The following SMU1 variants were observed in gnomAD, a reference collection of about 807,000 sequenced individuals.
The protein encoded by SMU1 is SMU1 DNA replication regulator and spliceosomal factor.
SMU1 carries 2 observed loss-of-function variants against 62.0 expected under a neutral mutation model. The ratio of observed to expected loss-of-function variants is 0.03; its 90% CI spans 0.01 to 0.10. The LOEUF is 0.10. Among genes scored for constraint, SMU1 ranks in the 10% least tolerant of loss-of-function variants. SMU1 has a pLI of 1.00. For synonymous variants in SMU1, 188 were observed against 212.4 expected (o/e 0.89, Z 1.00); for missense variants, 227 against 622.1 (o/e 0.36, Z 6.76).
In SMU1 at chr9:33,053,113, G is replaced by C. The variant is rs764854820; in HGVS notation, c.1290+10C>G. On this transcript the variant is annotated intron_variant, in intron 10 of 11. Coordinates refer to ENST00000397149, the MANE Select transcript of SMU1 (RefSeq NM_018225.3). Reference sequence around the variant, plus strand: ...CAGTTCCTGTGCAAGGGTACGTTCTGAACACTCACCTGCCCCTGCATGTTC... The same window carrying C: ...CAGTTCCTGTGCAAGGGTACGTTCTCAACACTCACCTGCCCCTGCATGTTC... 2 of 1,611,800 alleles carry C rather than the reference G, an allele frequency of 1.2e-6. No homozygotes were observed. The highest frequency in any genetic ancestry group is 8.5e-7 in the Non-Finnish European group (1 of 1,179,688).
chr9:33,048,578 A>G (rs1479617522), intron 10 of SMU1, among the ~76,000 whole-genome samples: 1 of 152,226 alleles, frequency 6.6e-6, no homozygotes, highest in East Asian at 1.9e-4. Context: ...TCAATATACC[A>G]GTATTTCTCA....
At chr9:33,053,955 T>C (rs1340727897) in intron 9 of SMU1, among the ~76,000 whole-genome samples, 1 of 152,216 alleles carries the variant, frequency 6.6e-6, no homozygotes, top group Non-Finnish European at 1.5e-5. Flanking sequence ...GCTACTGTCA[T>C]AAACAACCAG....
At chr9:33,067,378 G>A (rs1428903209) in intron 4 of SMU1, among the ~76,000 whole-genome samples, 2 of 149,630 alleles carry the variant, frequency 1.3e-5, no homozygotes, top group Admixed American at 6.7e-5. Flanking sequence ...AGTCAGGAAA[G>A]TTAAGAATCA....
chr9:33,064,401 A>G (rs1245726307), intron 4 of SMU1, among the ~76,000 whole-genome samples: 1 of 152,216 alleles, frequency 6.6e-6, no homozygotes, highest in African/African-American at 2.4e-5. Flanking sequence ...TTATCTTAAA[A>G]TATCTAACTT....
At chr9:33,064,557 C>T (rs936764724) in intron 4 of SMU1, among the ~76,000 whole-genome samples, 3 of 151,988 alleles carry the variant, frequency 2.0e-5, no homozygotes, top group African/African-American at 4.8e-5. Context: ...CATTGTCATC[C>T]GTGGAATTAT....
At chr9:33,060,014 C>T (rs897479046) in intron 6 of SMU1, among the ~76,000 whole-genome samples, 3 of 151,732 alleles carry the variant, frequency 2.0e-5, no homozygotes, top group Non-Finnish European at 4.4e-5. Flanking sequence ...TTAAACATAC[C>T]GTTTTTTGCT....
Position 33,050,887 on chromosome 9 carries a change from C to T in SMU1, c.1290+2236G>A, listed in dbSNP as rs1189435523. 5.8e-5 allele frequency among the ~76,000 whole-genome samples: 4 copies of T among 68,654 alleles called. 1 individual carries two copies. The highest frequency in any genetic ancestry group is 1.1e-4 in the Non-Finnish European group (3 of 27,412). 45.0% of individuals were successfully genotyped at this position (68,654 alleles called of 152,430 possible). On this transcript the variant is annotated intron_variant, in intron 10 of 11. Coordinates refer to ENST00000397149, the MANE Select transcript of SMU1 (RefSeq NM_018225.3). ...CTGTAATCCCAGCACTTTGGGAGGCCGAGGCGGGCGGATCACGAGGTCAGG... is the reference window on the plus strand; with the variant it reads ...CTGTAATCCCAGCACTTTGGGAGGCTGAGGCGGGCGGATCACGAGGTCAGG...
chr9:33,048,006 G>A, intron 11 of SMU1, 100 bp downstream of exon 11: 3 of 1,044,102 alleles, frequency 2.9e-6, no homozygotes, highest in Non-Finnish European at 4.2e-6. Flanking sequence ...TTTATACTGA[G>A]GGTCACATCG....
chr9:33,069,855 G>T (rs1839467280), intron 3 of SMU1, among the ~76,000 whole-genome samples: 1 of 152,074 alleles, frequency 6.6e-6, no homozygotes, highest in Non-Finnish European at 1.5e-5. Flanking sequence ...GCCAAGTGTG[G>T]TGGCTCATGC....
chr9:33,060,706 G>T, intron 5 of SMU1, 122 bp from the exon 6 acceptor site: 1 of 1,250,526 alleles, frequency 8.0e-7, no homozygotes, highest in Non-Finnish European at 1.1e-6. Context: ...ATATTATAGA[G>T]TATTGGAGGG....
At chr9:33,060,914 C>G (rs1372788057) in intron 5 of SMU1, among the ~76,000 whole-genome samples, 1 of 152,184 alleles carries the variant, frequency 6.6e-6, no homozygotes, top group African/African-American at 2.4e-5. Context: ...CTAGAATCAG[C>G]CACTGTTAGC....
At position 33,043,510 on chromosome 9, in the gene SMU1, G is replaced by C. The variant is rs1390717626; in HGVS notation, c.*3783C>G. On this transcript the variant is annotated 3_prime_UTR_variant, in exon 12 of 12. Coordinates refer to ENST00000397149, the MANE Select transcript of SMU1 (RefSeq NM_018225.3). ...TGTGTCTATCACGTGACACTTGTAA[G>C]AACCACTGTTCTAGCACAAGCCAAA... 1.3e-5 allele frequency: 2 copies of C among 152,234 alleles called. No homozygotes were observed. The highest frequency in any genetic ancestry group is 2.9e-5 in the Non-Finnish European group (2 of 68,056). The allele number at this position is 152,234 out of a possible 1,614,324, so 9.4% of individuals were successfully genotyped here. A position where few individuals can be genotyped will look rare whatever the true frequency, so the allele number is the denominator to read the frequency against.
chr9:33,066,991 GGACTTTT>G (rs1190493508), intron 4 of SMU1, among the ~76,000 whole-genome samples: 1 of 152,042 alleles, frequency 6.6e-6, no homozygotes, highest in East Asian at 1.9e-4. Flanking sequence ...GGAAAAAAAA[GGACTTTT>G]GACGGTTCTA....
chr9:33,072,315 C>T (rs772219447), intron 2 of SMU1, among the ~76,000 whole-genome samples: 3 of 151,898 alleles, frequency 2.0e-5, no homozygotes, highest in East Asian at 3.9e-4. Flanking sequence ...CTGGCCTGGG[C>T]GACAGAGCGA....
intron 9 of SMU1, among the ~76,000 whole-genome samples, chr9:33,054,771 T>C (rs1839286655): frequency 6.6e-6 from 1 of 152,182 alleles, no homozygotes; most frequent in African/African-American, 2.4e-5. Flanking sequence ...GAGAAAACAG[T>C]TGCCCTGGTG....
intron 1 of SMU1, 71 bp downstream of exon 1, chr9:33,076,512 G>A: frequency 6.3e-7 from 1 of 1,588,540 alleles, no homozygotes. Flanking sequence ...CTTCTCCCGA[G>A]TACCCTCCGC....
chr9:33,059,595 T>C (rs1239067138), intron 6 of SMU1, among the ~76,000 whole-genome samples: 1 of 147,076 alleles, frequency 6.8e-6, no homozygotes, highest in East Asian at 2.1e-4. Flanking sequence ...TGTTTTGTTT[T>C]GTTTTGTTTT....
rs1350024972 is a variant in SMU1 at position 33,076,538 on chromosome 9, T to TCC, written c.26+43_26+44dup. 7 of 1,611,714 alleles carry TCC rather than the reference T, an allele frequency of 4.3e-6. No homozygotes were observed. The Admixed American group carries it at 1.2e-4, about 27-fold the overall frequency. ...TACCCTCCGCCCCACACCCTTAACC[T>TCC]CCAGGCCCCCGGCAAGGCGCGAACA... is the stretch of plus-strand genomic sequence containing the variant. On this transcript the variant is annotated intron_variant, in intron 1 of 11. Coordinates refer to ENST00000397149, the MANE Select transcript of SMU1 (RefSeq NM_018225.3).
chr9:33,044,251 C>G lies in SMU1; in HGVS notation c.*3042G>C, dbSNP rs569193646. On this transcript the variant is annotated 3_prime_UTR_variant, in exon 12 of 12. Coordinates refer to ENST00000397149, the MANE Select transcript of SMU1 (RefSeq NM_018225.3). ...GAAGGAAGTGAGCACTGATTCCCGG[C>G]AGCCAACTCCCGTTCGCGCAGCCGC... is the stretch of plus-strand genomic sequence containing the variant. The G allele has an allele frequency of 1.1e-3, 170 of 152,572 alleles. No individual in the cohort carries two copies. Among genetic ancestry groups the G allele is most frequent in the African/African-American group, 3.6e-3 (150 of 41,586 alleles). The allele number at this position is 152,572 out of a possible 1,614,324, so 9.5% of individuals were successfully genotyped here. A position where few individuals can be genotyped will look rare whatever the true frequency, so the allele number is the denominator to read the frequency against.
Sources: allele counts gnomAD v4.1 joint callset (sites outside exome capture counted in the v4.1 genomes callset), GRCh38; gene constraint gnomAD v4.1.1; transcripts MANE v1.5; gene names NCBI Gene and HGNC (gene_info 2026-07-23, HGNC 2026-07-21).